SH2D4A: variants seen among roughly 807,000 people sequenced by gnomAD.
SH2D4A encodes SH2 domain-containing protein 4A.
In SH2D4A, 70 loss-of-function variants were observed where a neutral mutation model predicts 64.7. That is an observed-to-expected ratio of 1.08 (90% confidence interval 0.89 to 1.32). The LOEUF is 1.32. Ranked by LOEUF, SH2D4A falls within the 40% of genes most tolerant of loss-of-function variation. The probability of loss-of-function intolerance (pLI) is 0.00; values close to 1 mark genes in which losing one functional copy is unlikely to be tolerated. For missense variants in SH2D4A, 706 were observed against 540.1 expected, an observed-to-expected ratio of 1.31 and a Z score of -3.04; for synonymous variants, 268 against 200.7, an observed-to-expected ratio of 1.34 and a Z score of -2.83.
chr8:19,323,752 A>G (rs1164625436), intron 2 of SH2D4A, among the ~76,000 whole-genome samples: 1 of 152,200 alleles, frequency 6.6e-6, no homozygotes, highest in Non-Finnish European at 1.5e-5. Flanking sequence ...TCTGCATGCT[A>G]TAATGGTAGC....
chr8:19,366,085 G>A (rs761469970), intron 7 of SH2D4A, among the ~76,000 whole-genome samples: 16 of 152,178 alleles, frequency 1.1e-4, no homozygotes, highest in Middle Eastern at 3.4e-3. Flanking sequence ...AAAGCGTAAA[G>A]AACCATAAGT....
chr8:19,386,382 TAG>T (rs1400652718), intron 8 of SH2D4A, among the ~76,000 whole-genome samples: 26 of 152,338 alleles, frequency 1.7e-4, no homozygotes, highest in African/African-American at 5.5e-4. Flanking sequence ...TCTCATAAAT[TAG>T]TGCAGCAGGC....
At chr8:19,345,451 T>A (rs1231694667) in intron 4 of SH2D4A, among the ~76,000 whole-genome samples, 1 of 152,124 alleles carries the variant, frequency 6.6e-6, no homozygotes, top group Non-Finnish European at 1.5e-5. Flanking sequence ...TACCACGAGG[T>A]CTAGACTTTT....
chr8:19,314,116 G>A, intron 1 of SH2D4A: 1 of 1,141,136 alleles, frequency 8.8e-7, no homozygotes, highest in Non-Finnish European at 1.1e-6. Context: ...GGCTTGCAGG[G>A]GGTGGCGGGG....
intron 7 of SH2D4A, among the ~76,000 whole-genome samples, chr8:19,370,078 G>A (rs1050932702): frequency 6.6e-6 from 1 of 151,942 alleles, no homozygotes; most frequent in Admixed American, 6.6e-5. Flanking sequence ...GGTTGTTCAG[G>A]TGCATGTTTA....
Position 19,393,478 on chromosome 8 carries a change from C to T in SH2D4A, c.1209C>T (p.Tyr403=), listed in dbSNP as rs771042471. 8 of 1,614,136 alleles carry T rather than the reference C, an allele frequency of 5.0e-6. No homozygotes were observed. Among genetic ancestry groups the T allele is most frequent in the South Asian group, 3.3e-5 (3 of 91,092 alleles). Residue 403 remains tyrosine (Y), a synonymous_variant, in exon 9 of 10, where the codon TAC becomes TAT. Coordinates refer to ENST00000265807, the MANE Select transcript of SH2D4A (RefSeq NM_022071.4). ...TCATCGATGCCTCTGCAGACGCCTA[C>T]AGCTTCCTGGGCGTGGACCAGCTAC... ...HFLIDASADA[Y]SFLGVDQLQH...
Position 19,373,570 on chromosome 8 carries a change from G to C in SH2D4A, c.958G>C (p.Glu320Gln). The change falls in exon 8 of 10, where the codon GAG (glutamate) becomes CAG (glutamine). Residue 320 changes from glutamate (E) to glutamine (Q), a missense_variant. By Grantham distance (29) the Glu-to-Gln change is conservative. Transcript: ENST00000265807. ...VVRTLSSSAQ[E>Q]DIIRWFKEEQ... ...GAGGACACTGTCCAGCTCTGCCCAA[G>C]AGGACATCATCCGGTGGTTTAAAGA... is the stretch of plus-strand genomic sequence containing the variant. 3 of 1,613,232 alleles carry C rather than the reference G, an allele frequency of 1.9e-6. No homozygotes were observed. Among genetic ancestry groups the C allele is most frequent in the Non-Finnish European group, 2.5e-6 (3 of 1,179,610 alleles).
intron 4 of SH2D4A, among the ~76,000 whole-genome samples, chr8:19,351,071 A>C (rs1034862563): frequency 6.6e-6 from 1 of 152,126 alleles, no homozygotes; most frequent in African/African-American, 2.4e-5. Context: ...TATTCTTTAT[A>C]ACTTTATTGA....
chr8:19,371,830 A>G (rs2053104235), intron 7 of SH2D4A, among the ~76,000 whole-genome samples: 3 of 152,008 alleles, frequency 2.0e-5, no homozygotes, highest in Non-Finnish European at 4.4e-5. Context: ...GAAACCCTCT[A>G]TTGCATTTTT....
chr8:19,319,970 G>A (rs1400077474), intron 2 of SH2D4A, among the ~76,000 whole-genome samples: 1 of 152,148 alleles, frequency 6.6e-6, no homozygotes, highest in Non-Finnish European at 1.5e-5. Context: ...AGACTAACCT[G>A]AAGCTGTATT....
intron 3 of SH2D4A, 48 bp downstream of exon 3, chr8:19,333,162 T>C (rs368182294): frequency 3.2e-6 from 5 of 1,558,522 alleles, no homozygotes; most frequent in African/African-American, 2.7e-5. Context: ...CTCCAGACTT[T>C]AGAAAACATT....
At chr8:19,363,669 G>A in intron 6 of SH2D4A, 1 of 264,732 alleles carries the variant, frequency 3.8e-6, no homozygotes, top group East Asian at 9.2e-5. Flanking sequence ...CAAGCACACT[G>A]CATCTGAACA....
At chr8:19,393,675 T>TTAAC in intron 9 of SH2D4A, 134 bp downstream of exon 9, 1 of 776,358 alleles carries the variant, frequency 1.3e-6, no homozygotes, top group Non-Finnish European at 2.0e-6. Context: ...TTGTCTTTGA[T>TTAAC]AATTCTTCCT....
In SH2D4A at chr8:19,393,347, C is replaced by T. The variant is rs987301883; in HGVS notation, c.1078C>T (p.Leu360Phe). The change falls in exon 9 of 10, where the codon CTT (leucine) becomes TTT (phenylalanine). Residue 360 changes from leucine (L) to phenylalanine (F), a missense_variant. Leu to Phe is a conservative substitution (Grantham distance 22, BLOSUM62 0). Transcript: ENST00000265807. ...GILTLKKANE[L>F]LLSTGMPGSF... Reference sequence around the variant, plus strand: ...TCTCACACTCAAGAAAGCAAATGAACTTCTTCTGAGCACAGGCATGCCCGG... The same window carrying T: ...TCTCACACTCAAGAAAGCAAATGAATTTCTTCTGAGCACAGGCATGCCCGG... 1 of 1,614,076 alleles carries T rather than the reference C, an allele frequency of 6.2e-7. No homozygotes were observed. The highest frequency in any genetic ancestry group is 8.5e-7 in the Non-Finnish European group (1 of 1,179,944).
chr8:19,385,920 A>C (rs1040449433), intron 8 of SH2D4A, among the ~76,000 whole-genome samples: 1 of 152,202 alleles, frequency 6.6e-6, no homozygotes, highest in African/African-American at 2.4e-5. Context: ...AGGGATTTTC[A>C]AGCTTCTGTC....
Position 19,319,392 on chromosome 8 carries a change from A to G in SH2D4A, c.-156A>G, listed in dbSNP as rs1036824481. 3.1e-6 allele frequency: 4 copies of G among 1,287,428 alleles called. No individual in the cohort carries two copies. In the Admixed American group the frequency reaches 1.2e-4, roughly 39 times the overall value. 79.8% of individuals were successfully genotyped at this position (1,287,428 alleles called of 1,614,324 possible). On this transcript the variant is annotated 5_prime_UTR_variant, in exon 2 of 10. It removes the in-frame stop codon of an upstream open reading frame in the 5' UTR. Transcript: ENST00000265807. Reference sequence around the variant, plus strand: ...AGGACATTTGGTGCCAGGTCTGAGTAGCCAGTTTGCTGAATTATTGTCCCA... The same window carrying G: ...AGGACATTTGGTGCCAGGTCTGAGTGGCCAGTTTGCTGAATTATTGTCCCA...
At chr8:19,356,748 G>T (rs1247832949) in intron 4 of SH2D4A, among the ~76,000 whole-genome samples, 6 of 152,196 alleles carry the variant, frequency 3.9e-5, no homozygotes, top group Non-Finnish European at 7.3e-5. Flanking sequence ...ACTGGGCAGG[G>T]CTCCCACGCA....
intron 2 of SH2D4A, among the ~76,000 whole-genome samples, chr8:19,321,671 C>G (rs890279450): frequency 8.5e-5 from 13 of 152,314 alleles, no homozygotes; most frequent in African/African-American, 3.1e-4. Context: ...TCTTTCTAAA[C>G]TGGTTTATGC....
At chr8:19,355,198 T>C (rs989309282) in intron 4 of SH2D4A, among the ~76,000 whole-genome samples, 12 of 152,180 alleles carry the variant, frequency 7.9e-5, no homozygotes, top group African/African-American at 2.9e-4. Context: ...TTTTCAAATA[T>C]AAGAAACATC....
Sources: allele counts gnomAD v4.1 joint callset (sites outside exome capture counted in the v4.1 genomes callset), GRCh38; gene constraint gnomAD v4.1.1; transcripts MANE v1.5; gene names NCBI Gene and HGNC (gene_info 2026-07-23, HGNC 2026-07-21).